The following DPP6 variants were observed in gnomAD, a reference collection of about 807,000 sequenced individuals.
DPP6 encodes A-type potassium channel modulatory protein DPP6.
A neutral mutation model predicts 122.6 loss-of-function variants in DPP6; 69 were observed. The observed-to-expected ratio is 0.56, with a 90% CI of 0.46 to 0.69. The LOEUF (loss-of-function observed/expected upper bound fraction) is 0.69, where lower values mean the gene tolerates loss of function less well. DPP6 is among the 30% of genes least tolerant of loss of function. The probability of loss-of-function intolerance (pLI) is 0.00; values close to 1 mark genes in which losing one functional copy is unlikely to be tolerated. For synonymous variants in DPP6, 418 were observed against 433.1 expected, an observed-to-expected ratio of 0.97 and a Z score of 0.43; for missense variants, 928 against 1,116.9, an observed-to-expected ratio of 0.83 and a Z score of 2.41.
chr7:154,740,650 T>C (rs144262616), intron 8 of DPP6, among the ~76,000 whole-genome samples: 11 of 152,330 alleles, frequency 7.2e-5, no homozygotes, highest in African/African-American at 1.2e-4. Context: ...TCTGTGTCCA[T>C]GCCAGATAAC....
At chr7:154,881,832 G>T (rs1391267371) in intron 21 of DPP6, among the ~76,000 whole-genome samples, 1 of 152,154 alleles carries the variant, frequency 6.6e-6, no homozygotes, top group South Asian at 2.1e-4. Flanking sequence ...GAGGGCCGGC[G>T]GCTTCTCTCC....
intron 6 of DPP6, among the ~76,000 whole-genome samples, chr7:154,655,310 A>G (rs769318695): frequency 2.2e-4 from 34 of 152,232 alleles, no homozygotes; most frequent in Non-Finnish European, 4.1e-4. Context: ...TTACTCTTCA[A>G]ATTTCAGCAT....
intron 1 of DPP6, among the ~76,000 whole-genome samples, chr7:154,087,398 A>G (rs1804500870): frequency 6.6e-6 from 1 of 152,108 alleles, no homozygotes; most frequent in Non-Finnish European, 1.5e-5. Context: ...TTCAAAGACT[A>G]CTCTGTCTGC....
intron 1 of DPP6, among the ~76,000 whole-genome samples, chr7:154,371,404 AGAAAG>A (rs1563560351): frequency 2.0e-5 from 2 of 102,300 alleles, no homozygotes; most frequent in African/African-American, 1.4e-4. Flanking sequence ...AAAAAAAAAA[AGAAAG>A]AAAGAAAGAA....
rs543579803 is a variant in DPP6, at chr7:154,105,279, A to G, written c.243+52216A>G. Among the ~76,000 whole-genome samples, 3 of 152,358 alleles carry G rather than the reference A, an allele frequency of 2.0e-5. No homozygotes were observed. The East Asian group carries it at 5.8e-4, about 29-fold the overall frequency. On this transcript the variant is annotated intron_variant, in intron 1 of 25. Coordinates refer to ENST00000377770, the MANE Select transcript of DPP6 (RefSeq NM_130797.4). ...GCTGTGTTCCTTCTTTGATGACATC[A>G]TTAACGAGGAGAGGGATGGCCAAAA...
chr7:154,474,817 C>G (rs1474115315), intron 2 of DPP6, 122 bp from the exon 3 acceptor site: 8 of 701,300 alleles, frequency 1.1e-5, no homozygotes, highest in African/African-American at 3.6e-5. Context: ...TCCCCATTCA[C>G]TTATGGACGT....
At chr7:154,421,211 T>A (rs1817444027) in intron 1 of DPP6, among the ~76,000 whole-genome samples, 2 of 152,144 alleles carry the variant, frequency 1.3e-5, no homozygotes, top group African/African-American at 4.8e-5. Flanking sequence ...GGGTCTTGCA[T>A]GGGGCAGTAA....
chr7:154,121,773 TAATC>T (rs1807487694), intron 1 of DPP6, among the ~76,000 whole-genome samples: 1 of 152,244 alleles, frequency 6.6e-6, no homozygotes, highest in South Asian at 2.1e-4. Flanking sequence ...CAGAGTCTAA[TAATC>T]CCTAATATAC....
At chr7:153,991,436 T>C (rs1797172816) in intron 1 of DPP6, among the ~76,000 whole-genome samples, 1 of 152,192 alleles carries the variant, frequency 6.6e-6, no homozygotes. Context: ...CAAATTCCTT[T>C]GTAGGTTTTT....
intron 2 of DPP6, among the ~76,000 whole-genome samples, chr7:154,449,656 G>T: frequency 6.6e-6 from 1 of 152,058 alleles, no homozygotes. Context: ...CAGCATTAAT[G>T]ATAATAGCCA....
Position 154,483,254 on chromosome 7 carries a change from C to T in DPP6, c.457+8217C>T, listed in dbSNP as rs978647772. On this transcript the variant is annotated intron_variant, in intron 3 of 25. Transcript: ENST00000377770. The surrounding 1 kb of genome is among the most constrained non-coding windows in gnomAD (Gnocchi z 8.1). Reference sequence around the variant, plus strand: ...AACGGCAGATGTAAATGAAAAACCACCCCACGGTGGCCACGCACCTCTTCC... The same window carrying T: ...AACGGCAGATGTAAATGAAAAACCATCCCACGGTGGCCACGCACCTCTTCC... Among the ~76,000 whole-genome samples, 3 of 152,170 alleles carry T rather than the reference C, an allele frequency of 2.0e-5. No homozygotes were observed. Among genetic ancestry groups the T allele is most frequent in the Admixed American group, 6.5e-5 (1 of 15,286 alleles).
At chr7:154,631,317 G>A (rs1357535900) in intron 5 of DPP6, among the ~76,000 whole-genome samples, 4 of 152,220 alleles carry the variant, frequency 2.6e-5, no homozygotes, top group Non-Finnish European at 5.9e-5. Flanking sequence ...AATCAGGAAA[G>A]GGGAACAGCT....
chr7:154,744,214 A>G (rs1430731018), intron 8 of DPP6, among the ~76,000 whole-genome samples: 1 of 152,120 alleles, frequency 6.6e-6, no homozygotes, highest in Non-Finnish European at 1.5e-5. Context: ...AGAAGCATTT[A>G]TTGTCTCTCA....
intron 1 of DPP6, among the ~76,000 whole-genome samples, chr7:153,966,599 C>T (rs1795749098): frequency 3.1e-4 from 1 of 3,222 alleles, no homozygotes; most frequent in Non-Finnish European, 5.5e-4. Flanking sequence ...CTGCATATAG[C>T]CCTTTTTTTT....
At chr7:154,738,095 G>T (rs1842651364) in intron 8 of DPP6, among the ~76,000 whole-genome samples, 1 of 152,234 alleles carries the variant, frequency 6.6e-6, no homozygotes, top group South Asian at 2.1e-4. Context: ...CTCCCATCCT[G>T]CTGGCTATGC....
At chr7:154,080,398 A>G (rs1049961858) in intron 1 of DPP6, among the ~76,000 whole-genome samples, 2 of 152,138 alleles carry the variant, frequency 1.3e-5, no homozygotes, top group African/African-American at 4.8e-5. Context: ...GAATACCTCC[A>G]AGAATTCTAC....
chr7:153,901,590 T>C (rs1799640785), intron 1 of DPP6, among the ~76,000 whole-genome samples: 1 of 152,364 alleles, frequency 6.6e-6, no homozygotes, highest in Middle Eastern at 3.4e-3. Flanking sequence ...TTTCTCTTGC[T>C]GACGGTGATG....
chr7:154,118,642 CCTGGCCTCCG>C (rs1365269834), intron 1 of DPP6, among the ~76,000 whole-genome samples: 1 of 141,062 alleles, frequency 7.1e-6, no homozygotes, highest in Non-Finnish European at 1.6e-5. Context: ...GAAGCCAAGA[CCTGGCCTCCG>C]CTGCCACTGC....
intron 1 of DPP6, among the ~76,000 whole-genome samples, chr7:154,083,091 C>T (rs920749549): frequency 6.6e-5 from 10 of 152,116 alleles, no homozygotes; most frequent in African/African-American, 1.4e-4. Context: ...CCTCGTGATC[C>T]GCCCACCTCG....
Sources: gnomAD v4.1 joint callset for allele counts (sites outside exome capture counted in the v4.1 genomes callset) on GRCh38, gnomAD v4.1.1 for gene constraint, Gnocchi (gnomAD v3.1) non-coding constraint, MANE v1.5 for transcripts, NCBI Gene and HGNC (gene_info 2026-07-23, HGNC 2026-07-21) for gene names.